The following ABCD3 variants were observed in gnomAD, a reference collection of about 807,000 sequenced individuals.
The protein encoded by ABCD3 is ATP-binding cassette sub-family D member 3.
ABCD3 carries 41 observed loss-of-function variants against 105.5 expected under a neutral mutation model. The ratio of observed to expected loss-of-function variants is 0.39; its 90% confidence interval spans 0.30 to 0.50. The LOEUF (loss-of-function observed/expected upper bound fraction) is 0.50, where lower values mean the gene tolerates loss of function less well. ABCD3 is among the 20% of genes least tolerant of loss of function. The pLI is 0.84. For synonymous variants in ABCD3, 258 were observed against 269.0 expected (o/e 0.96, Z 0.40); for missense variants, 622 against 806.3 (o/e 0.77, Z 2.77).
chr1:94,435,334 G>C (rs938365340), intron 1 of ABCD3, among the ~76,000 whole-genome samples: 2 of 152,096 alleles, frequency 1.3e-5, no homozygotes, highest in Non-Finnish European at 1.5e-5. Flanking sequence ...GAGCCCAGGA[G>C]TTTGAGACCA....
At chr1:94,430,393 A>G (rs1659626203) in intron 1 of ABCD3, among the ~76,000 whole-genome samples, 1 of 152,122 alleles carries the variant, frequency 6.6e-6, no homozygotes, top group African/African-American at 2.4e-5. Flanking sequence ...GGGCAGAATG[A>G]TATGGTTTGG....
chr1:94,458,963 C>G (rs919912149), intron 2 of ABCD3, among the ~76,000 whole-genome samples: 7 of 134,874 alleles, frequency 5.2e-5, no homozygotes, highest in African/African-American at 1.9e-4. Flanking sequence ...CCCCGCTTCC[C>G]TCCCCTCCTC....
At chr1:94,492,370 T>G (rs1649575737) in intron 16 of ABCD3, among the ~76,000 whole-genome samples, 1 of 152,204 alleles carries the variant, frequency 6.6e-6, no homozygotes, top group African/African-American at 2.4e-5. Flanking sequence ...CTCTTAGTAA[T>G]TTATATTAAG....
At chr1:94,447,803 T>G (rs1660414318) in intron 1 of ABCD3, among the ~76,000 whole-genome samples, 1 of 152,204 alleles carries the variant, frequency 6.6e-6, no homozygotes, top group African/African-American at 2.4e-5. Context: ...ACATTACCAT[T>G]GTGCCACAGA....
chr1:94,514,383 C>T (rs1046831198), intron 21 of ABCD3: 2 of 151,884 alleles, frequency 1.3e-5, no homozygotes, highest in African/African-American at 4.8e-5. Context: ...TATCACTGAC[C>T]TCCCCACCTT....
chr1:94,487,828 A>T, intron 12 of ABCD3, 37 bp downstream of exon 12: 1 of 1,611,548 alleles, frequency 6.2e-7, no homozygotes, highest in Non-Finnish European at 8.5e-7. Flanking sequence ...TGTAACAGTA[A>T]AAATAAAGCC....
At chr1:94,461,263 G>C (rs891892370) in intron 2 of ABCD3, among the ~76,000 whole-genome samples, 10 of 151,776 alleles carry the variant, frequency 6.6e-5, no homozygotes, top group Non-Finnish European at 1.5e-4. Flanking sequence ...GTATTTTTTT[G>C]GTAGAAATTT....
chr1:94,455,486 C>T (rs1369922803), intron 1 of ABCD3, among the ~76,000 whole-genome samples: 5 of 151,924 alleles, frequency 3.3e-5, no homozygotes, highest in Non-Finnish European at 5.9e-5. Flanking sequence ...CCATCACGCC[C>T]GGCTAATTTT....
chr1:94,447,825 C>T (rs949671040), intron 1 of ABCD3, among the ~76,000 whole-genome samples: 2 of 152,140 alleles, frequency 1.3e-5, no homozygotes, highest in African/African-American at 4.8e-5. Context: ...AGTAGCCATA[C>T]GTAGGGATCA....
At chr1:94,407,533 C>A in the ABCD3 span, among the ~76,000 whole-genome samples, 1 of 152,126 alleles carries the variant, frequency 6.6e-6, no homozygotes, top group East Asian at 1.9e-4. Context: ...TAAGTTTATT[C>A]CTAAATATTT....
chr1:94,449,812 G>A (rs1660504830), intron 1 of ABCD3, among the ~76,000 whole-genome samples: 1 of 152,178 alleles, frequency 6.6e-6, no homozygotes, highest in Admixed American at 6.5e-5. Flanking sequence ...ATGGTCAGAT[G>A]GTAGAAATGG....
chr1:94,448,484 T>C (rs957034957), intron 1 of ABCD3, among the ~76,000 whole-genome samples: 1 of 152,248 alleles, frequency 6.6e-6, no homozygotes, highest in Non-Finnish European at 1.5e-5. Flanking sequence ...TAAAGCTTCT[T>C]ATTTTGGATC....
At chr1:94,505,152 A>G (rs1475158381) in intron 20 of ABCD3, among the ~76,000 whole-genome samples, 1 of 152,168 alleles carries the variant, frequency 6.6e-6, no homozygotes, top group Admixed American at 6.6e-5. Flanking sequence ...ATACCCAAGT[A>G]GAAACTCAAA....
chr1:94,450,761 G>C (rs1235905156), intron 1 of ABCD3, among the ~76,000 whole-genome samples: 1 of 152,268 alleles, frequency 6.6e-6, no homozygotes, highest in South Asian at 2.1e-4. Context: ...CGCTGGGTTA[G>C]GGTCTCCACG....
At chr1:94,401,197 C>A in the ABCD3 span, among the ~76,000 whole-genome samples, 1 of 152,208 alleles carries the variant, frequency 6.6e-6, no homozygotes, top group African/African-American at 2.4e-5. Context: ...AGAACATGAA[C>A]TAATCATTTT....
chr1:94,458,714 A>G (rs1274155746), intron 2 of ABCD3, 71 bp downstream of exon 2: 2 of 1,458,090 alleles, frequency 1.4e-6, no homozygotes, highest in African/African-American at 2.8e-5. Flanking sequence ...TATGATTCTG[A>G]TTTAGGATTA....
At chr1:94,507,243 T>C (rs923368856) in intron 21 of ABCD3, among the ~76,000 whole-genome samples, 1 of 152,132 alleles carries the variant, frequency 6.6e-6, no homozygotes, top group Non-Finnish European at 1.5e-5. Flanking sequence ...ATGCGGTGTT[T>C]AGTTTTTTGT....
chr1:94,395,147 G>A, the ABCD3 span, among the ~76,000 whole-genome samples: 1 of 152,110 alleles, frequency 6.6e-6, no homozygotes, highest in Admixed American at 6.5e-5. Context: ...TCCATAGTCT[G>A]AATAATGCTT....
rs1384363630 is a variant in ABCD3 at position 94,421,685 on chromosome 1, T to C, written c.110+3097T>C. ...CTGATAGCAGAATGAAATGTACAGA[T>C]AGACATGTCTTAGAAGTTTTGAGAA... On this transcript the variant is annotated intron_variant, in intron 1 of 22. Transcript: ENST00000370214. 2.6e-5 allele frequency among the ~76,000 whole-genome samples: 4 copies of C among 152,032 alleles called. No individual in the cohort carries two copies. The East Asian group carries it at 7.7e-4, about 29-fold the overall frequency.
Sources: gnomAD v4.1 joint callset for allele counts (sites outside exome capture counted in the v4.1 genomes callset) on GRCh38, gnomAD v4.1.1 for gene constraint, MANE v1.5 for transcripts, NCBI Gene and HGNC (gene_info 2026-07-23, HGNC 2026-07-21) for gene names.